Variants in MAF observed in about 807,000 individuals in gnomAD.
MAF encodes the protein transcription factor Maf.
Under a neutral mutation model 22.0 loss-of-function variants are expected in MAF, and 10 were observed. That is an observed-to-expected ratio of 0.45 (90% CI 0.28 to 0.77). The LOEUF is 0.77. Among genes scored for constraint, MAF ranks in the 30% least tolerant of loss-of-function variants. The pLI, the probability that MAF is intolerant of heterozygous loss-of-function variation, is 0.12. For synonymous variants in MAF, 337 were observed against 255.8 expected, an observed-to-expected ratio of 1.32 and a Z score of -3.03; for missense variants, 544 against 548.4, an observed-to-expected ratio of 0.99 and a Z score of 0.08.
the MAF span, chr16:79,205,758 G>C: frequency 4.6e-5 from 7 of 152,212 alleles, no homozygotes; most frequent in African/African-American, 1.7e-4. Flanking sequence ...GTGGGAGTCA[G>C]TTGTCAGGAA....
chr16:79,502,448 T>C, the MAF span, among the ~76,000 whole-genome samples: 1 of 152,036 alleles, frequency 6.6e-6, no homozygotes, highest in Non-Finnish European at 1.5e-5. Flanking sequence ...GGTGGGTGGC[T>C]TGAGGTCACA....
the MAF span, among the ~76,000 whole-genome samples, chr16:79,304,900 C>T: frequency 6.6e-6 from 1 of 152,122 alleles, no homozygotes; most frequent in South Asian, 2.1e-4. Flanking sequence ...TGCAATGCAG[C>T]TGCTTGGATT....
the MAF span, among the ~76,000 whole-genome samples, chr16:79,406,804 G>A: frequency 6.6e-6 from 1 of 152,120 alleles, no homozygotes; most frequent in Non-Finnish European, 1.5e-5. Flanking sequence ...ATCTCTTTCT[G>A]TACATGTGCC....
At chr16:79,362,858 G>A in the MAF span, among the ~76,000 whole-genome samples, 5 of 152,198 alleles carry the variant, frequency 3.3e-5, no homozygotes, top group Admixed American at 2.6e-4. Flanking sequence ...TAGTAAGAAA[G>A]TGTGCATTTA....
the MAF span, among the ~76,000 whole-genome samples, chr16:79,332,583 G>A: frequency 2.0e-5 from 3 of 152,350 alleles, no homozygotes; most frequent in East Asian, 5.8e-4. Flanking sequence ...ACTGGCATGA[G>A]CCACCACGCC....
chr16:79,550,908 C>T, the MAF span, among the ~76,000 whole-genome samples: 2 of 152,134 alleles, frequency 1.3e-5, no homozygotes, highest in Admixed American at 1.3e-4. Flanking sequence ...TGAGCTCTCC[C>T]CCAGAACCAC....
At chr16:79,333,954 C>T in the MAF span, among the ~76,000 whole-genome samples, 4 of 152,234 alleles carry the variant, frequency 2.6e-5, no homozygotes, top group African/African-American at 9.6e-5. Flanking sequence ...GTGATATAAC[C>T]ACGTGTGGAA....
chr16:79,462,350 G>T, the MAF span, among the ~76,000 whole-genome samples: 1 of 152,118 alleles, frequency 6.6e-6, no homozygotes, highest in East Asian at 1.9e-4. Flanking sequence ...TCCACCAATT[G>T]GTAGTAGACA....
the MAF span, among the ~76,000 whole-genome samples, chr16:79,208,739 G>T: frequency 6.6e-6 from 1 of 151,970 alleles, no homozygotes; most frequent in Admixed American, 6.6e-5. Flanking sequence ...ATGATATGTA[G>T]GCCGAAAAGC....
chr16:79,265,264 G>A, the MAF span, among the ~76,000 whole-genome samples: 19 of 152,130 alleles, frequency 1.2e-4, no homozygotes, highest in Non-Finnish European at 2.5e-4. Context: ...AAGTCATGGT[G>A]TAAAGACAAT....
chr16:79,514,652 T>C, the MAF span, among the ~76,000 whole-genome samples: 1 of 152,182 alleles, frequency 6.6e-6, no homozygotes, highest in Non-Finnish European at 1.5e-5. Context: ...CTATAACTCC[T>C]ATGGATAGTC....
the MAF span, among the ~76,000 whole-genome samples, chr16:79,341,855 G>T: frequency 6.6e-6 from 1 of 152,164 alleles, no homozygotes; most frequent in African/African-American, 2.4e-5. Context: ...TGCAGAGAAA[G>T]TGATAAACTT....
At chr16:79,230,735 T>C in the MAF span, among the ~76,000 whole-genome samples, 1 of 152,118 alleles carries the variant, frequency 6.6e-6, no homozygotes, top group Non-Finnish European at 1.5e-5. Flanking sequence ...GGAGTGTGCT[T>C]TCTGAAGCTA....
At chr16:79,285,947 G>C in the MAF span, among the ~76,000 whole-genome samples, 2 of 152,244 alleles carry the variant, frequency 1.3e-5, no homozygotes. Context: ...CCATATTTAG[G>C]GACGATGACT....
chr16:79,443,212 G>T, the MAF span, among the ~76,000 whole-genome samples: 1 of 152,170 alleles, frequency 6.6e-6, no homozygotes, highest in African/African-American at 2.4e-5. Context: ...CTGTCACTTT[G>T]CTTCCTCCTG....
chr16:79,370,526 G>A, the MAF span, among the ~76,000 whole-genome samples: 1 of 152,124 alleles, frequency 6.6e-6, no homozygotes, highest in African/African-American at 2.4e-5. Flanking sequence ...CTAAAGATAT[G>A]AGCATCTATA....
At chr16:79,492,275 C>T in the MAF span, among the ~76,000 whole-genome samples, 14 of 152,076 alleles carry the variant, frequency 9.2e-5, no homozygotes, top group South Asian at 2.1e-4. Flanking sequence ...AGGTGAGCGA[C>T]GCATTCATTC....
chr16:79,493,133 T>G, the MAF span, among the ~76,000 whole-genome samples: 5 of 8,056 alleles, frequency 6.2e-4, no homozygotes, highest in African/African-American at 6.6e-4. Context: ...AATCTTTCTG[T>G]TTTTTTTTTG....
At chr16:79,247,570 ACT>A in the MAF span, among the ~76,000 whole-genome samples, 25 of 151,926 alleles carry the variant, frequency 1.6e-4, no homozygotes, top group Non-Finnish European at 3.1e-4. Context: ...AGCCCAAAAC[ACT>A]CTGCGCAAAC....
Sources: gnomAD v4.1 joint callset for allele counts (sites outside exome capture counted in the v4.1 genomes callset) on GRCh38, gnomAD v4.1.1 for gene constraint, MANE v1.5 for transcripts, NCBI Gene and HGNC (gene_info 2026-07-23, HGNC 2026-07-21) for gene names.